NBAS: variants seen among roughly 807,000 people sequenced by gnomAD.
The protein encoded by NBAS is NAG/BC035112 fusion.
Under a neutral mutation model 302.5 loss-of-function variants are expected in NBAS, and 219 were observed. That is an observed-to-expected ratio of 0.72 (90% confidence interval 0.65 to 0.81). The LOEUF (loss-of-function observed/expected upper bound fraction) is 0.81. NBAS is among the 30% of genes least tolerant of loss of function. The pLI is 0.00. For synonymous variants in NBAS, 1,118 were observed against 1,021.6 expected, an observed-to-expected ratio of 1.09 and a Z score of -1.80; for missense variants, 2,932 against 2,841.6, an observed-to-expected ratio of 1.03 and a Z score of -0.72.
At chr2:14,903,338 A>G in the NBAS span, among the ~76,000 whole-genome samples, 10 of 151,926 alleles carry the variant, frequency 6.6e-5, no homozygotes, top group South Asian at 4.2e-4. Flanking sequence ...AAAAAAAAAA[A>G]AAAGAAAGAA....
chr2:15,475,376 G>C (rs1448590790), intron 14 of NBAS, among the ~76,000 whole-genome samples: 1 of 152,116 alleles, frequency 6.6e-6, no homozygotes, highest in Non-Finnish European at 1.5e-5. Flanking sequence ...ATGGGTTAAA[G>C]AGTATTTTTC....
At chr2:14,976,460 T>G in the NBAS span, among the ~76,000 whole-genome samples, 7 of 152,182 alleles carry the variant, frequency 4.6e-5, no homozygotes, top group Non-Finnish European at 1.0e-4. Context: ...CTGACCAAAG[T>G]AGATGGAGCT....
At chr2:15,308,749 G>A (rs1671142984) in intron 39 of NBAS, among the ~76,000 whole-genome samples, 5 of 152,122 alleles carry the variant, frequency 3.3e-5, no homozygotes. Flanking sequence ...GTTTTCAAAG[G>A]GAATGCTTCC....
the NBAS span, among the ~76,000 whole-genome samples, chr2:14,840,651 A>AT: frequency 6.6e-6 from 1 of 152,044 alleles, no homozygotes; most frequent in Non-Finnish European, 1.5e-5. Flanking sequence ...AGAAAAAAAA[A>AT]TTGTCATTCA....
chr2:14,811,059 A>T, the NBAS span, among the ~76,000 whole-genome samples: 1 of 152,188 alleles, frequency 6.6e-6, no homozygotes, highest in Non-Finnish European at 1.5e-5. Flanking sequence ...CTTATCTGGG[A>T]AATGTACCAA....
chr2:15,490,506 G>A (rs1032246847), intron 11 of NBAS, among the ~76,000 whole-genome samples: 10 of 152,244 alleles, frequency 6.6e-5, no homozygotes, highest in African/African-American at 1.9e-4. Flanking sequence ...TGGGATCAGG[G>A]AAAGAAGTAC....
chr2:14,976,069 A>T, the NBAS span, among the ~76,000 whole-genome samples: 1 of 152,232 alleles, frequency 6.6e-6, no homozygotes, highest in Admixed American at 6.5e-5. Flanking sequence ...TCCTTGAAAG[A>T]ATACGGAGTG....
chr2:15,028,526 A>G, the NBAS span, among the ~76,000 whole-genome samples: 97 of 152,344 alleles, frequency 6.4e-4, no homozygotes, highest in Middle Eastern at 3.4e-3. Flanking sequence ...AAACTTTTGA[A>G]CAATTTTACT....
At chr2:15,134,061 TCTCTC>T in the NBAS span, among the ~76,000 whole-genome samples, 2 of 41,552 alleles carry the variant, frequency 4.8e-5, no homozygotes, top group Non-Finnish European at 8.3e-5. Flanking sequence ...TTTCTTTCTC[TCTCTC>T]TCTCTCTCTC....
intron 40 of NBAS, among the ~76,000 whole-genome samples, chr2:15,305,567 T>C (rs1485899618): frequency 1.3e-5 from 2 of 149,788 alleles, no homozygotes; most frequent in African/African-American, 4.9e-5. Flanking sequence ...TTCGCCTGCC[T>C]CAGCCTCCCC....
chr2:15,148,889 G>A, the NBAS span, among the ~76,000 whole-genome samples: 1 of 152,122 alleles, frequency 6.6e-6, no homozygotes, highest in African/African-American at 2.4e-5. Flanking sequence ...ACTTTCCTAT[G>A]CTTCATGTTG....
intron 38 of NBAS, among the ~76,000 whole-genome samples, chr2:15,323,857 A>AAAAAC (rs997053651): frequency 5.3e-5 from 8 of 151,662 alleles, no homozygotes; most frequent in Non-Finnish European, 1.0e-4. Context: ...CAAAAAAACA[A>AAAAAC]AAAACAAAAC....
At chr2:15,082,082 G>A in the NBAS span, among the ~76,000 whole-genome samples, 3 of 152,188 alleles carry the variant, frequency 2.0e-5, no homozygotes, top group Non-Finnish European at 4.4e-5. Context: ...CAACAAAAAT[G>A]TGTGTAAAAA....
At chr2:15,297,506 G>A (rs2148126146) in intron 40 of NBAS, among the ~76,000 whole-genome samples, 1 of 152,294 alleles carries the variant, frequency 6.6e-6, no homozygotes, top group Middle Eastern at 3.4e-3. Context: ...ACATCTGGTT[G>A]TTTAAAAGTG....
At position 15,469,429 on chromosome 2, in the gene NBAS, C is replaced by T. The variant is rs557674357; in HGVS notation, c.1726-896G>A. On this transcript the variant is annotated intron_variant, in intron 16 of 51. Coordinates refer to ENST00000281513, the MANE Select transcript of NBAS (RefSeq NM_015909.4). ...TTTGTTATTGTGGAAGACAGTGTGG[C>T]GATTCCTCAAGGATCTAGAACTAGA... Among the ~76,000 whole-genome samples the T allele has an allele frequency of 5.3e-5, 8 of 152,128 alleles. No individual in the cohort carries two copies. In the South Asian group the frequency reaches 1.2e-3, roughly 24 times the overall value.
chr2:15,511,091 C>T, intron 10 of NBAS, 121 bp downstream of exon 10: 1 of 1,208,706 alleles, frequency 8.3e-7, no homozygotes, highest in Non-Finnish European at 1.2e-6. Flanking sequence ...CATTAATTCA[C>T]TGTCCTCATT....
intron 23 of NBAS, among the ~76,000 whole-genome samples, chr2:15,419,209 A>G (rs1032674953): frequency 1.3e-5 from 2 of 152,228 alleles, no homozygotes; most frequent in Non-Finnish European, 2.9e-5. Flanking sequence ...GAAAAAGAAT[A>G]TAACAGATAA....
chr2:15,166,907 G>T, downstream of NBAS: 1 of 1,144,814 alleles, frequency 8.7e-7, no homozygotes, highest in Non-Finnish European at 1.2e-6. Context: ...AAAAGCGGCA[G>T]CTTGCTCATC....
chr2:15,331,848 T>C (rs2148238034), intron 35 of NBAS, among the ~76,000 whole-genome samples: 1 of 152,268 alleles, frequency 6.6e-6, no homozygotes, highest in Non-Finnish European at 1.5e-5. Context: ...AATTTGTAGG[T>C]GTGATTAACA....
Sources: gnomAD v4.1 joint callset for allele counts (sites outside exome capture counted in the v4.1 genomes callset) on GRCh38, gnomAD v4.1.1 for gene constraint, MANE v1.5 for transcripts, NCBI Gene and HGNC (gene_info 2026-07-23, HGNC 2026-07-21) for gene names.